ERC1: variants seen among roughly 807,000 people sequenced by gnomAD.
ERC1 encodes the protein RAB6 interacting protein 2.
ERC1 carries 56 observed loss-of-function variants against 132.0 expected under a neutral mutation model. The ratio of observed to expected loss-of-function variants is 0.42; its 90% CI spans 0.34 to 0.53. The LOEUF (loss-of-function observed/expected upper bound fraction) is 0.53, where lower values mean the gene tolerates loss of function less well. Ranked by LOEUF, ERC1 falls within the 20% of genes least tolerant of loss-of-function variation. The probability of loss-of-function intolerance (pLI) is 0.03; values close to 1 mark genes in which losing one functional copy is unlikely to be tolerated. For missense variants in ERC1, 1,202 were observed against 1,349.9 expected (o/e 0.89, Z 1.72); for synonymous variants, 478 against 476.1 (o/e 1.00, Z -0.05).
intron 10 of ERC1, 56 bp downstream of exon 10, chr12:1,182,121 A>G: frequency 6.5e-7 from 1 of 1,535,326 alleles, no homozygotes; most frequent in South Asian, 1.2e-5. Context: ...ATGTGTCTGT[A>G]TGTTGGTGTT....
chr12:1,131,279 A>T (rs1046982088), intron 7 of ERC1, among the ~76,000 whole-genome samples: 1 of 152,144 alleles, frequency 6.6e-6, no homozygotes, highest in African/African-American at 2.4e-5. Context: ...ATGACAGAGG[A>T]TGGAGAACAC....
At chr12:1,219,227 A>G (rs1323913079) in intron 12 of ERC1, among the ~76,000 whole-genome samples, 2 of 152,132 alleles carry the variant, frequency 1.3e-5, no homozygotes, top group Non-Finnish European at 2.9e-5. Flanking sequence ...AATAGCTACC[A>G]AATTAATAAT....
At chr12:1,036,024 AT>A (rs1277800150) in intron 2 of ERC1, among the ~76,000 whole-genome samples, 2 of 152,100 alleles carry the variant, frequency 1.3e-5, no homozygotes, top group African/African-American at 4.8e-5. Flanking sequence ...ATAATTCTGT[AT>A]GTTAAATTTA....
Position 1,408,131 on chromosome 12 carries a change from T to C in ERC1, c.2926-18T>C. On this transcript the variant is annotated intron_variant, in intron 16 of 18. Coordinates refer to ENST00000360905, the MANE Select transcript of ERC1 (RefSeq NM_178040.4). Reference sequence around the variant, plus strand: ...GAAACTTTACTTAAATTTAACCTTATGAATAATTTCTTCCTAGACGCAAAA... The same window carrying C: ...GAAACTTTACTTAAATTTAACCTTACGAATAATTTCTTCCTAGACGCAAAA... The C allele has an allele frequency of 6.3e-7, 1 of 1,583,520 alleles. No individual in the cohort carries two copies. Among genetic ancestry groups the C allele is most frequent in the Non-Finnish European group, 8.7e-7 (1 of 1,152,398 alleles).
chr12:1,134,676 G>C (rs569606649), intron 7 of ERC1, among the ~76,000 whole-genome samples: 1 of 151,048 alleles, frequency 6.6e-6, no homozygotes, highest in Non-Finnish European at 1.5e-5. Flanking sequence ...AGCAAATATT[G>C]ATAGATATAA....
chr12:1,421,181 C>T lies in ERC1; in HGVS notation c.3024+12934C>T, dbSNP rs375183268. On this transcript the variant is annotated intron_variant, in intron 17 of 18. Coordinates refer to ENST00000360905, the MANE Select transcript of ERC1 (RefSeq NM_178040.4). ...AACAAATTGTTGTTAATTATAGTCA[C>T]CTTATAGTGCTATGGAACATTAGAA... Among the ~76,000 whole-genome samples the T allele has an allele frequency of 9.9e-5, 15 of 152,082 alleles. No individual in the cohort carries two copies. In the South Asian group the frequency reaches 1.7e-3, roughly 17 times the overall value.
At chr12:1,035,340 T>A (rs1167169509) in intron 2 of ERC1, among the ~76,000 whole-genome samples, 2 of 152,220 alleles carry the variant, frequency 1.3e-5, no homozygotes, top group African/African-American at 4.8e-5. Flanking sequence ...TGTTCTAGGA[T>A]CCTATTAGAT....
intron 16 of ERC1, among the ~76,000 whole-genome samples, chr12:1,407,002 G>A (rs954632621): frequency 6.6e-5 from 10 of 152,236 alleles, no homozygotes; most frequent in African/African-American, 2.4e-4. Flanking sequence ...ACATATTGCT[G>A]TTTGATTTTA....
chr12:1,289,422 C>T (rs904209578), intron 14 of ERC1, among the ~76,000 whole-genome samples: 18 of 151,822 alleles, frequency 1.2e-4, no homozygotes, highest in African/African-American at 3.6e-4. Flanking sequence ...AAAAATTATT[C>T]GTCTATGTAT....
At chr12:1,482,143 C>G (rs946153805) in intron 18 of ERC1, among the ~76,000 whole-genome samples, 7 of 152,160 alleles carry the variant, frequency 4.6e-5, no homozygotes, top group Admixed American at 1.3e-4. Flanking sequence ...GCCCGGGGGC[C>G]TTTGTCTCTC....
intron 7 of ERC1, among the ~76,000 whole-genome samples, chr12:1,119,158 C>T (rs1341999473): frequency 2.0e-5 from 3 of 152,120 alleles, no homozygotes; most frequent in East Asian, 1.9e-4. Flanking sequence ...GGATTACAGG[C>T]GTGAGCCACT....
At chr12:1,220,849 G>C (rs963126155) in intron 12 of ERC1, among the ~76,000 whole-genome samples, 1 of 152,186 alleles carries the variant, frequency 6.6e-6, no homozygotes, top group African/African-American at 2.4e-5. Flanking sequence ...TTAGTGGCCT[G>C]CTGCATCTGT....
At chr12:1,306,598 T>C (rs1234792623) in intron 15 of ERC1, among the ~76,000 whole-genome samples, 9 of 152,178 alleles carry the variant, frequency 5.9e-5, no homozygotes, top group East Asian at 1.9e-4. Flanking sequence ...ATGAATGAAA[T>C]TGTTATGTTA....
At chr12:1,263,699 ATT>A (rs533403279) in intron 14 of ERC1, among the ~76,000 whole-genome samples, 1 of 151,828 alleles carries the variant, frequency 6.6e-6, no homozygotes, top group Non-Finnish European at 1.5e-5. Flanking sequence ...ATTATTATTA[ATT>A]TTTTTGAGAC....
chr12:1,348,269 G>C (rs894905107), intron 15 of ERC1, among the ~76,000 whole-genome samples: 7 of 152,230 alleles, frequency 4.6e-5, no homozygotes, highest in African/African-American at 1.7e-4. Flanking sequence ...TGCTACTCTT[G>C]TTTCCAAAAG....
At chr12:1,480,822 T>A (rs952934778) in intron 18 of ERC1, 16 of 702,354 alleles carry the variant, frequency 2.3e-5, no homozygotes, top group Non-Finnish European at 3.9e-5. Flanking sequence ...CTAAAATACA[T>A]CTTTCCCAAC....
intron 17 of ERC1, among the ~76,000 whole-genome samples, chr12:1,440,377 T>C (rs1369901953): frequency 1.3e-5 from 2 of 150,552 alleles, no homozygotes; most frequent in Non-Finnish European, 3.0e-5. Context: ...GCTAATTTTT[T>C]TTGTATTTTT....
chr12:1,299,820 C>G (rs1477098692), intron 15 of ERC1, among the ~76,000 whole-genome samples: 1 of 151,984 alleles, frequency 6.6e-6, no homozygotes, highest in African/African-American at 2.4e-5. Flanking sequence ...ACTCCAGTTT[C>G]TAAAGACACG....
At chr12:997,851 A>G (rs1961260511) in intron 1 of ERC1, among the ~76,000 whole-genome samples, 1 of 152,324 alleles carries the variant, frequency 6.6e-6, no homozygotes, top group East Asian at 1.9e-4. Flanking sequence ...AGGTGTCCTG[A>G]TTGGAAAGTC....
Sources: allele counts gnomAD v4.1 joint callset (sites outside exome capture counted in the v4.1 genomes callset), GRCh38; gene constraint gnomAD v4.1.1; transcripts MANE v1.5; gene names NCBI Gene and HGNC (gene_info 2026-07-23, HGNC 2026-07-21).